The following PITPNC1 variants were observed in gnomAD, a reference collection of about 807,000 sequenced individuals.
PITPNC1 encodes the protein cytoplasmic phosphatidylinositol transfer protein 1.
In PITPNC1, 18 loss-of-function variants were observed where a neutral mutation model predicts 44.7. The ratio of observed to expected loss-of-function variants is 0.40; its 90% CI spans 0.28 to 0.60. PITPNC1 has a LOEUF of 0.60. PITPNC1 is among the 20% of genes least tolerant of loss of function. The pLI is 0.39. For missense variants in PITPNC1, 290 were observed against 418.4 expected (o/e 0.69, Z 2.68); for synonymous variants, 141 against 149.6 (o/e 0.94, Z 0.42).
intron 2 of PITPNC1, among the ~76,000 whole-genome samples, chr17:67,539,668 C>T (rs924485098): frequency 6.6e-6 from 1 of 152,158 alleles, no homozygotes; most frequent in African/African-American, 2.4e-5. Context: ...GAAACCCCGT[C>T]TCTACTAAAA....
rs2042998058 is a variant in PITPNC1, at chr17:67,695,617, TATATATATATATATAA to T, written c.*2735_*2750del. ...TGTATTATACCTGTGTATATATATA[TATATATATATATATAA>T]ATATAAATATAGTATAGTGAATCAG... On this transcript the variant is annotated 3_prime_UTR_variant, in exon 9 of 9. Transcript: ENST00000581322. 1 of 147,154 alleles carries T rather than the reference TATATATATATATATAA, an allele frequency of 6.8e-6. No homozygotes were observed. The highest frequency in any genetic ancestry group is 1.5e-5 in the Non-Finnish European group (1 of 67,050). The allele number at this position is 147,154 out of a possible 1,614,324, so 9.1% of individuals were successfully genotyped here. A position where few individuals can be genotyped will look rare whatever the true frequency, so the allele number is the denominator to read the frequency against.
At position 67,599,012 on chromosome 17, in the gene PITPNC1, ATATATATATATATATATATATATTTTT is replaced by A. The variant is rs1475116884; in HGVS notation, c.366+20757_366+20783del. 5.3e-4 allele frequency among the ~76,000 whole-genome samples: 10 copies of A among 18,976 alleles called. 1 individual carries two copies. Among genetic ancestry groups the A allele is most frequent in the Non-Finnish European group, 1.5e-3 (9 of 5,924 alleles). The allele number at this position is 18,976 out of a possible 152,430, so 12.4% of individuals were successfully genotyped here. A position where few individuals can be genotyped will look rare whatever the true frequency, so the allele number is the denominator to read the frequency against. ...AACTATAAGAAATACATATATATAT[ATATATATATATATATATATATATTTTT>A]TTTTTTTTTTTTTTTACCATGTTGG... On this transcript the variant is annotated intron_variant, in intron 5 of 8. Transcript: ENST00000581322.
At chr17:67,458,701 G>A (rs990965055) in intron 1 of PITPNC1, among the ~76,000 whole-genome samples, 4 of 152,070 alleles carry the variant, frequency 2.6e-5, no homozygotes, top group African/African-American at 7.2e-5. Context: ...GCTGTTTTCT[G>A]CTTATGGTGT....
chr17:67,681,983 A>G (rs2042717498), intron 8 of PITPNC1, among the ~76,000 whole-genome samples: 1 of 152,142 alleles, frequency 6.6e-6, no homozygotes, highest in South Asian at 2.1e-4. Context: ...AGATCACCTT[A>G]GGTCAGGAGT....
chr17:67,615,464 G>A (rs1598889826), intron 5 of PITPNC1, among the ~76,000 whole-genome samples: 1 of 152,116 alleles, frequency 6.6e-6, no homozygotes, highest in Non-Finnish European at 1.5e-5. Context: ...TCGATGCCTC[G>A]TGTGGCCACC....
At chr17:67,427,860 C>A (rs554135641) in intron 1 of PITPNC1, among the ~76,000 whole-genome samples, 1 of 152,340 alleles carries the variant, frequency 6.6e-6, no homozygotes, top group Non-Finnish European at 1.5e-5. Flanking sequence ...TCAATTCCAA[C>A]TCTTGATATG....
intron 6 of PITPNC1, among the ~76,000 whole-genome samples, chr17:67,669,119 T>G (rs1156272202): frequency 6.6e-6 from 1 of 152,164 alleles, no homozygotes; most frequent in Non-Finnish European, 1.5e-5. Flanking sequence ...TGTTTGTTTG[T>G]TTTTGAGATG....
chr17:67,509,401 G>A lies in PITPNC1; in HGVS notation c.49-23401G>A, dbSNP rs2040150141. ...AAAATAAAATAAATAGCTGGGTGTG[G>A]TGGTGCACGCCTGTAATCCCAGCCA... On this transcript the variant is annotated intron_variant, in intron 1 of 8. Coordinates refer to ENST00000581322, the MANE Select transcript of PITPNC1 (RefSeq NM_012417.4). 4.6e-5 allele frequency among the ~76,000 whole-genome samples: 7 copies of A among 151,896 alleles called. No individual in the cohort carries two copies. In the South Asian group the frequency reaches 1.5e-3, roughly 31 times the overall value.
intron 1 of PITPNC1, among the ~76,000 whole-genome samples, chr17:67,425,798 G>A (rs1342750422): frequency 6.6e-6 from 1 of 152,030 alleles, no homozygotes; most frequent in Admixed American, 6.6e-5. Context: ...CAGAGTGCTG[G>A]GATTACAGGT....
chr17:67,517,371 C>T (rs1264972930), intron 1 of PITPNC1, among the ~76,000 whole-genome samples: 1 of 152,148 alleles, frequency 6.6e-6, no homozygotes, highest in African/African-American at 2.4e-5. Flanking sequence ...TCTGACAGTT[C>T]CTCAAATGGT....
chr17:67,533,076 C>T (rs1169918884), intron 2 of PITPNC1, 126 bp downstream of exon 2: 16 of 684,124 alleles, frequency 2.3e-5, no homozygotes, highest in Non-Finnish European at 3.7e-5. Context: ...CCACCGTCTA[C>T]GACCACCAAT....
At chr17:67,555,417 A>G (rs113207386) in intron 4 of PITPNC1, among the ~76,000 whole-genome samples, 1,821 of 152,292 alleles carry the variant, frequency 0.012, 33 homozygotes, top group African/African-American at 0.041. Flanking sequence ...TACTTTGCCA[A>G]CGCTAAATAT....
chr17:67,383,088 C>T (rs1022548786), intron 1 of PITPNC1, among the ~76,000 whole-genome samples: 6 of 151,856 alleles, frequency 4.0e-5, no homozygotes, highest in Admixed American at 2.0e-4. Flanking sequence ...CTCTGCCTCC[C>T]GAGTTCAAGA....
chr17:67,605,087 A>G (rs980622771), intron 5 of PITPNC1, among the ~76,000 whole-genome samples: 10 of 152,218 alleles, frequency 6.6e-5, no homozygotes, highest in Non-Finnish European at 1.5e-4. Context: ...TCAAAATAAA[A>G]TAAAATAAAA....
intron 1 of PITPNC1, among the ~76,000 whole-genome samples, chr17:67,494,185 T>TTTCTTTCTTTCTTTCTTTC (rs2039904517): frequency 3.9e-5 from 4 of 102,496 alleles, no homozygotes; most frequent in African/African-American, 1.5e-4. Context: ...CTTTCTTTCT[T>TTTCTTTCTTTCTTTCTTTC]TTTCTTTCTT....
chr17:67,632,167 G>T lies in PITPNC1; in HGVS notation c.391G>T (p.Val131Leu), dbSNP rs755299877. The part of the protein sequence containing the change: ...DTIFDNEAKD[V>L]EREVCFIDIA... ...GATTTTCGACAATGAAGCCAAAGAC[G>T]TGGAGAGAGAAGTTTGCTTTATTGA... The change falls in exon 6 of 9, where the codon GTG (valine) becomes TTG (leucine). Residue 131 changes from valine (V) to leucine (L), a missense_variant. By Grantham distance (32) the Val-to-Leu change is conservative (BLOSUM62 1). Coordinates refer to ENST00000581322, the MANE Select transcript of PITPNC1 (RefSeq NM_012417.4). The T allele has an allele frequency of 1.9e-6, 3 of 1,612,382 alleles. No individual in the cohort carries two copies. Among genetic ancestry groups the T allele is most frequent in the South Asian group, 1.1e-5 (1 of 91,040 alleles).
At chr17:67,402,516 C>G (rs976958578) in intron 1 of PITPNC1, among the ~76,000 whole-genome samples, 1 of 151,920 alleles carries the variant, frequency 6.6e-6, no homozygotes, top group Non-Finnish European at 1.5e-5. Context: ...CGCCCCTCCG[C>G]CATTTCCTGA....
chr17:67,486,467 T>A (rs1437493722), intron 1 of PITPNC1, among the ~76,000 whole-genome samples: 4 of 152,166 alleles, frequency 2.6e-5, no homozygotes, highest in Non-Finnish European at 5.9e-5. Flanking sequence ...CCACAAATCC[T>A]AATGAGAAGA....
At position 67,517,147 on chromosome 17, in the gene PITPNC1, G is replaced by A. The variant is rs146030898; in HGVS notation, c.49-15655G>A. On this transcript the variant is annotated intron_variant, in intron 1 of 8. Transcript: ENST00000581322. ...GCCATGTGGCTGGAGAGCTGCCTGC[G>A]ATCGTTGTTCAATGGATGATGTGGC... 3.3e-5 allele frequency among the ~76,000 whole-genome samples: 5 copies of A among 152,228 alleles called. No homozygotes were observed. In the East Asian group the frequency reaches 7.7e-4, roughly 23 times the overall value.
Sources: allele counts gnomAD v4.1 joint callset (sites outside exome capture counted in the v4.1 genomes callset), GRCh38; gene constraint gnomAD v4.1.1; transcripts MANE v1.5; gene names NCBI Gene and HGNC (gene_info 2026-07-23, HGNC 2026-07-21).